MYH15: variants seen among roughly 807,000 people sequenced by gnomAD.
MYH15 encodes the protein myosin-15.
A neutral mutation model predicts 240.5 loss-of-function variants in MYH15; 227 were observed. The ratio of observed to expected loss-of-function variants is 0.94; its 90% confidence interval spans 0.85 to 1.05. The LOEUF (loss-of-function observed/expected upper bound fraction) is 1.05. MYH15 is among the 50% of genes least tolerant of loss of function. The pLI is 0.00. For synonymous variants in MYH15, 785 were observed against 796.7 expected (o/e 0.99, Z 0.25); for missense variants, 2,217 against 2,247.5 (o/e 0.99, Z 0.27).
chr3:108,458,403 G>A (rs1323763837), intron 18 of MYH15, among the ~76,000 whole-genome samples: 3 of 152,214 alleles, frequency 2.0e-5, no homozygotes, highest in Non-Finnish European at 4.4e-5. Flanking sequence ...TATTTGTATC[G>A]CAGAAACTCA....
upstream of MYH15, among the ~76,000 whole-genome samples, chr3:108,515,086 A>G (rs1019329580): frequency 6.6e-6 from 1 of 152,162 alleles, no homozygotes; most frequent in African/African-American, 2.4e-5. Flanking sequence ...GCTCTCATCC[A>G]CAGGAATGAG....
At chr3:108,432,977 G>T (rs1002943767) in intron 25 of MYH15, among the ~76,000 whole-genome samples, 12 of 152,202 alleles carry the variant, frequency 7.9e-5, no homozygotes, top group Admixed American at 7.9e-4. Context: ...GGAAGTGTAA[G>T]AAGAGGGCCA....
At chr3:108,508,184 A>G (rs1399716762) in intron 1 of MYH15, among the ~76,000 whole-genome samples, 1 of 152,032 alleles carries the variant, frequency 6.6e-6, no homozygotes, top group Non-Finnish European at 1.5e-5. Context: ...TTCTCCTCCA[A>G]TTCTTCTCTC....
rs765050639 is a variant in MYH15, at chr3:108,499,518, AT to A, written c.497-37del. The stretch of plus-strand genomic sequence containing the variant: ...AAGAAAAATGCCAGAATATTCTTAT[AT>A]TCGATATTTATGTATTAGTATGAAC... On this transcript the variant is annotated intron_variant, in intron 4 of 40. Transcript: ENST00000693548. 5 of 1,597,706 alleles carry A rather than the reference AT, an allele frequency of 3.1e-6. No homozygotes were observed. In the South Asian group the frequency reaches 5.5e-5, roughly 18 times the overall value.
intron 27 of MYH15, among the ~76,000 whole-genome samples, chr3:108,426,205 GAA>G (rs34105033): frequency 7.7e-6 from 1 of 130,548 alleles, no homozygotes; most frequent in Non-Finnish European, 1.7e-5. Context: ...AGTATTTTCA[GAA>G]AAAAAAAAAA....
At chr3:108,474,614 C>T (rs999871649) in intron 12 of MYH15, among the ~76,000 whole-genome samples, 2 of 151,990 alleles carry the variant, frequency 1.3e-5, no homozygotes, top group Admixed American at 6.6e-5. Context: ...ATACCTCAAA[C>T]ACTGATCATT....
chr3:108,422,009 T>C (rs1201860223), intron 27 of MYH15, among the ~76,000 whole-genome samples: 4 of 152,202 alleles, frequency 2.6e-5, no homozygotes, highest in Admixed American at 2.0e-4. Flanking sequence ...CTCATGCTAG[T>C]GGTTTTGAGA....
upstream of MYH15, among the ~76,000 whole-genome samples, chr3:108,531,731 C>T (rs1315420567): frequency 2.0e-5 from 3 of 151,686 alleles, no homozygotes; most frequent in Non-Finnish European, 2.9e-5. Context: ...GAGACGAGAT[C>T]GCACCACTGC....
chr3:108,386,192 G>A (rs2107532814), intron 38 of MYH15, among the ~76,000 whole-genome samples: 1 of 152,300 alleles, frequency 6.6e-6, no homozygotes, highest in South Asian at 2.1e-4. Flanking sequence ...AGAGTAAATT[G>A]GTCATAAAGG....
At chr3:108,492,988 CGA>C (rs1199999702) in intron 8 of MYH15, 124 bp downstream of exon 8, 69 of 670,906 alleles carry the variant, frequency 1.0e-4, no homozygotes, top group Admixed American at 1.7e-4. Flanking sequence ...AGAAAAAGAA[CGA>C]GAGAGAGAGA....
In MYH15 at chr3:108,414,315, G is replaced by T. The variant is rs2082617249; in HGVS notation, c.4062C>A (p.Ser1354=). ...EVKAELHRTL[S]KVNAEMVQWR... The stretch of plus-strand genomic sequence containing the variant: ...ATTGCACCATTTCAGCATTGACTTT[G>T]GATAAGGTCCGGTGCAGCTCAGCCT... Residue 1354 remains serine, a synonymous_variant, in exon 30 of 41, where the codon TCC becomes TCA. Coordinates refer to ENST00000693548, the MANE Select transcript of MYH15 (RefSeq NM_014981.3). 2 of 1,614,018 alleles carry T rather than the reference G, an allele frequency of 1.2e-6. No homozygotes were observed. Among genetic ancestry groups the T allele is most frequent in the South Asian group, 2.2e-5 (2 of 91,086 alleles).
At position 108,453,920 on chromosome 3, in the gene MYH15, A is replaced by G. The variant is rs545529878; in HGVS notation, c.2399+86T>C. On this transcript the variant is annotated intron_variant, in intron 21 of 40. Transcript: ENST00000693548. ...GCCTAAGCAGAGGAGGCAGCTCTTG[A>G]CCTACTATAAGGCAATGAGATTAGT... The G allele has an allele frequency of 8.1e-6, 11 of 1,357,494 alleles. No homozygotes were observed. The South Asian group carries it at 1.6e-4, about 20-fold the overall frequency. The allele number at this position is 1,357,494 out of a possible 1,614,324, so 84.1% of individuals were successfully genotyped here.
At chr3:108,529,392 C>T (rs2083697312), upstream of MYH15, 4 of 731,392 alleles carry the variant, frequency 5.5e-6, no homozygotes, top group Non-Finnish European at 9.3e-6. Flanking sequence ...CATGGGAAAT[C>T]TGTGAATAAA....
chr3:108,494,430 T>C (rs973237164), intron 7 of MYH15, among the ~76,000 whole-genome samples: 1 of 152,278 alleles, frequency 6.6e-6, no homozygotes, highest in African/African-American at 2.4e-5. Flanking sequence ...ATCTTCATGT[T>C]TATTTTTCTC....
At chr3:108,474,344 T>A (rs2083201676) in intron 12 of MYH15, among the ~76,000 whole-genome samples, 1 of 151,924 alleles carries the variant, frequency 6.6e-6, no homozygotes. Flanking sequence ...GTTTCACTGG[T>A]CCTATTATAG....
In MYH15 at chr3:108,417,023, A is replaced by C. The variant is rs185386686; in HGVS notation, c.3830-93T>G. 3,249 of 885,850 alleles carry C rather than the reference A, an allele frequency of 3.7e-3. 122 individuals are homozygous for C. The Admixed American group carries it at 0.067, about 18-fold the overall frequency. The allele number at this position is 885,850 out of a possible 1,614,324, so 54.9% of individuals were successfully genotyped here. Reference sequence around the variant, plus strand: ...ACTGACTTTAAGGGTAGCCAGAATGACTCCTACCCACATATTTTTGATATT... The same window carrying C: ...ACTGACTTTAAGGGTAGCCAGAATGCCTCCTACCCACATATTTTTGATATT... On this transcript the variant is annotated intron_variant, in intron 28 of 40. Transcript: ENST00000693548.
intron 30 of MYH15, among the ~76,000 whole-genome samples, chr3:108,412,757 A>G (rs1387079503): frequency 6.6e-6 from 1 of 152,206 alleles, no homozygotes; most frequent in East Asian, 1.9e-4. Context: ...GGTCTTAGAT[A>G]AGCTTGAGTC....
upstream of MYH15, among the ~76,000 whole-genome samples, chr3:108,532,402 T>G (rs1330513966): frequency 1.3e-5 from 2 of 152,176 alleles, no homozygotes; most frequent in African/African-American, 4.8e-5. Context: ...AGCTGGGACA[T>G]CAGTCTTTTC....
Position 108,415,366 on chromosome 3 carries a change from A to G in MYH15, c.3949-938T>C, listed in dbSNP as rs112727232. Among the ~76,000 whole-genome samples, 1,061 of 152,344 alleles carry G rather than the reference A, an allele frequency of 7.0e-3. 12 individuals carry two copies. Among genetic ancestry groups the G allele is most frequent in the African/African-American group, 0.022 (926 of 41,588 alleles). ...GGTGGTAAATGAGGAGCCACAATAC[A>G]CAATGACTCTGAAAAGGATGCAGGC... On this transcript the variant is annotated intron_variant, in intron 29 of 40. Coordinates refer to ENST00000693548, the MANE Select transcript of MYH15 (RefSeq NM_014981.3).
Sources: gnomAD v4.1 joint callset for allele counts (sites outside exome capture counted in the v4.1 genomes callset) on GRCh38, gnomAD v4.1.1 for gene constraint, MANE v1.5 for transcripts, NCBI Gene and HGNC (gene_info 2026-07-23, HGNC 2026-07-21) for gene names.